ACSS3: variants seen among roughly 807,000 people sequenced by gnomAD.
The protein encoded by ACSS3 is acyl-CoA synthetase short chain family member 3.
ACSS3 carries 64 observed loss-of-function variants against 84.2 expected under a neutral mutation model. The ratio of observed to expected loss-of-function variants is 0.76; its 90% CI spans 0.62 to 0.94. The LOEUF is 0.94. Ranked by LOEUF, ACSS3 falls within the 40% of genes least tolerant of loss-of-function variation. The pLI, the probability that ACSS3 is intolerant of heterozygous loss-of-function variation, is 0.00. For synonymous variants in ACSS3, 317 were observed against 310.1 expected, an observed-to-expected ratio of 1.02 and a Z score of -0.23; for missense variants, 815 against 867.6, an observed-to-expected ratio of 0.94 and a Z score of 0.76.
chr12:81,131,144 T>G (rs946955043), intron 2 of ACSS3, among the ~76,000 whole-genome samples: 2 of 152,150 alleles, frequency 1.3e-5, no homozygotes, highest in African/African-American at 2.4e-5. Flanking sequence ...ATTAAAGTAG[T>G]TTTTTCTGAT....
intron 13 of ACSS3, among the ~76,000 whole-genome samples, chr12:81,239,111 C>T (rs1190210683): frequency 8.6e-5 from 13 of 151,778 alleles, no homozygotes; most frequent in African/African-American, 2.9e-4. Context: ...TTCTTTGACT[C>T]ATGTGTTATT....
At chr12:81,175,588 C>T (rs12300491) in intron 8 of ACSS3, among the ~76,000 whole-genome samples, 299 of 152,182 alleles carry the variant, frequency 2.0e-3, no homozygotes, top group African/African-American at 6.2e-3. Context: ...GAGAAATACT[C>T]TAAAATCTAC....
rs888171839 is a variant in ACSS3, at chr12:81,253,728, G to T, written c.1995+58G>T. ...TAAGATATTTTTCTTCATTTCTTTG[G>T]CATCAGCAAAGCTCTTAAAAATGGT... On this transcript the variant is annotated intron_variant, in intron 15 of 15. Transcript: ENST00000548058. The T allele has an allele frequency of 2.6e-6, 4 of 1,546,900 alleles. No homozygotes were observed. The African/African-American group carries it at 4.1e-5, about 16-fold the overall frequency.
chr12:81,179,358 G>A lies in ACSS3; in HGVS notation c.1250+4419G>A, dbSNP rs118142360. ...GTGCAATTAAACTAAAAAGCTTCAG[G>A]ACAGCAAAAGAAACTATCAACAGAG... On this transcript the variant is annotated intron_variant, in intron 8 of 15. Transcript: ENST00000548058. Among the ~76,000 whole-genome samples the A allele has an allele frequency of 3.7e-3, 559 of 149,846 alleles. 2 individuals carry two copies. Among genetic ancestry groups the A allele is most frequent in the Non-Finnish European group, 6.5e-3 (442 of 67,538 alleles).
intron 4 of ACSS3, among the ~76,000 whole-genome samples, chr12:81,139,614 A>G (rs1223159336): frequency 8.9e-6 from 1 of 112,032 alleles, no homozygotes; most frequent in Non-Finnish European, 1.9e-5. Context: ...GAATATATAT[A>G]TATAAAATAA....
intron 2 of ACSS3, chr12:81,125,755 C>A (rs1008254005): frequency 5.3e-5 from 8 of 152,174 alleles, no homozygotes; most frequent in African/African-American, 1.9e-4. Context: ...AGATCATATG[C>A]AGGATTGCCG....
At chr12:81,199,763 C>T in intron 9 of ACSS3, 1 of 1,063,402 alleles carries the variant, frequency 9.4e-7, no homozygotes, top group Non-Finnish European at 1.3e-6. Context: ...GGGTTCATTC[C>T]ACCTTCAGTA....
intron 5 of ACSS3, among the ~76,000 whole-genome samples, chr12:81,150,323 C>G (rs2135750574): frequency 6.6e-6 from 1 of 152,202 alleles, no homozygotes; most frequent in Non-Finnish European, 1.5e-5. Flanking sequence ...AGCATATTGT[C>G]TACAAAAGCT....
chr12:81,231,644 C>G (rs752862239), intron 12 of ACSS3, among the ~76,000 whole-genome samples: 9 of 151,634 alleles, frequency 5.9e-5, no homozygotes, highest in Non-Finnish European at 1.3e-4. Context: ...ATTTTTAAAT[C>G]TCATTTTAAA....
At chr12:81,082,000 A>G (rs914708957) in intron 1 of ACSS3, among the ~76,000 whole-genome samples, 1 of 152,242 alleles carries the variant, frequency 6.6e-6, no homozygotes, top group Admixed American at 6.5e-5. Flanking sequence ...AGAGAAAATG[A>G]TGAAAGAGAT....
intron 7 of ACSS3, among the ~76,000 whole-genome samples, chr12:81,171,931 T>C (rs1342132812): frequency 1.3e-5 from 2 of 152,096 alleles, no homozygotes; most frequent in African/African-American, 4.8e-5. Context: ...CTGCAAGCAA[T>C]TGTAACACAG....
chr12:81,234,456 G>A (rs12830315), intron 13 of ACSS3, among the ~76,000 whole-genome samples: 2,156 of 151,358 alleles, frequency 0.014, 33 homozygotes, highest in Non-Finnish European at 0.021. Context: ...TATGTTTAAG[G>A]TTATGAGAAA....
In ACSS3 at chr12:81,235,597, C is replaced by A. The variant is rs143770713; in HGVS notation, c.1719+2126C>A. On this transcript the variant is annotated intron_variant, in intron 13 of 15. Coordinates refer to ENST00000548058, the MANE Select transcript of ACSS3 (RefSeq NM_024560.4). ...GAGAAAAATTGCTATTTCAAACTTA[C>A]TGAGTTCAATCCATGAGTTTTGTAT... Among the ~76,000 whole-genome samples the A allele has an allele frequency of 1.5e-3, 231 of 151,564 alleles. 1 individual carries two copies. Among genetic ancestry groups the A allele is most frequent in the African/African-American group, 5.2e-3 (216 of 41,482 alleles).
At chr12:81,182,726 A>C (rs2031018294) in intron 8 of ACSS3, among the ~76,000 whole-genome samples, 1 of 152,172 alleles carries the variant, frequency 6.6e-6, no homozygotes, top group Admixed American at 6.6e-5. Flanking sequence ...ACTGCATTTT[A>C]AAAACTGTTT....
intron 2 of ACSS3, among the ~76,000 whole-genome samples, chr12:81,120,256 T>C (rs928870184): frequency 6.6e-6 from 1 of 152,100 alleles, no homozygotes; most frequent in Non-Finnish European, 1.5e-5. Context: ...GGAAACAATA[T>C]AGAAAGATTG....
intron 2 of ACSS3, among the ~76,000 whole-genome samples, chr12:81,114,787 T>C (rs1266457900): frequency 6.6e-6 from 1 of 152,116 alleles, no homozygotes. Flanking sequence ...ATATAATATA[T>C]ATTCAGATAG....
At chr12:81,163,289 A>G (rs1208481659) in intron 7 of ACSS3, among the ~76,000 whole-genome samples, 1 of 152,240 alleles carries the variant, frequency 6.6e-6, no homozygotes, top group African/African-American at 2.4e-5. Flanking sequence ...GTGATAGATC[A>G]CATATACATT....
chr12:81,084,450 T>C (rs564079869), intron 1 of ACSS3, among the ~76,000 whole-genome samples: 1 of 152,282 alleles, frequency 6.6e-6, no homozygotes, highest in East Asian at 1.9e-4. Context: ...AAAGACATGG[T>C]AACTGTAAGA....
intron 1 of ACSS3, among the ~76,000 whole-genome samples, chr12:81,084,136 A>G (rs4262779): frequency 0.94 from 143,170 of 152,252 alleles, 67,789 homozygotes; most frequent in Non-Finnish European, 1. Context: ...TGTCCCAGCC[A>G]TTAACTTTTC....
Sources: gnomAD v4.1 joint callset for allele counts (sites outside exome capture counted in the v4.1 genomes callset) on GRCh38, gnomAD v4.1.1 for gene constraint, MANE v1.5 for transcripts, NCBI Gene and HGNC (gene_info 2026-07-23, HGNC 2026-07-21) for gene names.